The following PDE10A variants were observed in gnomAD, a reference collection of about 807,000 sequenced individuals.
The protein encoded by PDE10A is cAMP and cAMP-inhibited cGMP 3',5'-cyclic phosphodiesterase 10A.
A neutral mutation model predicts 97.7 loss-of-function variants in PDE10A; 39 were observed. The ratio of observed to expected loss-of-function variants is 0.40; its 90% CI spans 0.31 to 0.52. The LOEUF is 0.52. Ranked by LOEUF, PDE10A falls within the 20% of genes least tolerant of loss-of-function variation. The pLI, the probability that PDE10A is intolerant of heterozygous loss-of-function variation, is 0.56. For synonymous variants in PDE10A, 371 were observed against 376.8 expected (o/e 0.98, Z 0.18); for missense variants, 731 against 1,047.8 (o/e 0.70, Z 4.17).
rs1562634829 is a variant in PDE10A, at chr6:165,619,427, GTATA to G, written c.865+42516_865+42519del. 5.1e-5 allele frequency among the ~76,000 whole-genome samples: 5 copies of G among 98,186 alleles called. 1 individual carries two copies. Among genetic ancestry groups the G allele is most frequent in the South Asian group, 6.6e-4 (2 of 3,016 alleles). The allele number at this position is 98,186 out of a possible 152,430, so 64.4% of individuals were successfully genotyped here. A position where few individuals can be genotyped will look rare whatever the true frequency, so the allele number is the denominator to read the frequency against. On this transcript the variant is annotated intron_variant, in intron 1 of 21. Coordinates refer to ENST00000539869, the MANE Select transcript of PDE10A (RefSeq NM_001385079.1). ...GTGTAGTCTAGTGTAGTGTAGTGTAGTATAGTGTAGTGTAGTATAGTCTAGTGTA... is the reference window on the plus strand; with the variant it reads ...GTGTAGTCTAGTGTAGTGTAGTGTAGGTGTAGTGTAGTATAGTCTAGTGTA...
At chr6:165,758,197 T>C (rs1793161884) in intron 1 of PDE10A, among the ~76,000 whole-genome samples, 1 of 152,224 alleles carries the variant, frequency 6.6e-6, no homozygotes, top group Non-Finnish European at 1.5e-5. Flanking sequence ...CTGGGTGCAG[T>C]GGCTCATGCC....
chr6:165,380,619 C>G (rs938961994), intron 17 of PDE10A, among the ~76,000 whole-genome samples: 3 of 152,168 alleles, frequency 2.0e-5, no homozygotes, highest in African/African-American at 7.2e-5. Flanking sequence ...ACTTCACTTT[C>G]AAATTATAAA....
At chr6:165,601,167 T>C (rs1786925843) in intron 1 of PDE10A, among the ~76,000 whole-genome samples, 1 of 152,208 alleles carries the variant, frequency 6.6e-6, no homozygotes, top group Non-Finnish European at 1.5e-5. Context: ...CTTTTGCTTC[T>C]TCCTCATTTT....
chr6:165,392,617 A>C, intron 16 of PDE10A, 29 bp downstream of exon 16: 1 of 1,598,212 alleles, frequency 6.3e-7, no homozygotes, highest in Non-Finnish European at 8.6e-7. Flanking sequence ...TGAGGTTACG[A>C]GAAACAGAGG....
At chr6:165,969,107 T>A (rs755563713) in intron 1 of PDE10A, among the ~76,000 whole-genome samples, 1 of 152,208 alleles carries the variant, frequency 6.6e-6, no homozygotes, top group Non-Finnish European at 1.5e-5. Flanking sequence ...ATGAGAAAGA[T>A]ATGAGGTATA....
intron 1 of PDE10A, among the ~76,000 whole-genome samples, chr6:165,789,697 G>A (rs1778595890): frequency 6.6e-6 from 1 of 152,172 alleles, no homozygotes; most frequent in Non-Finnish European, 1.5e-5. Flanking sequence ...CAAACGCCGT[G>A]CGGTCACTAG....
chr6:165,862,691 T>G (rs1470584835), intron 1 of PDE10A, among the ~76,000 whole-genome samples: 2 of 86,748 alleles, frequency 2.3e-5, no homozygotes, highest in East Asian at 1.1e-3. Flanking sequence ...TTTTTTTTTT[T>G]TTTTTTGAGA....
intron 18 of PDE10A, among the ~76,000 whole-genome samples, chr6:165,377,139 G>A (rs1424749785): frequency 6.6e-6 from 1 of 152,136 alleles, no homozygotes; most frequent in Non-Finnish European, 1.5e-5. Context: ...ATACTTAGTA[G>A]AACACATGGT....
chr6:165,365,702 A>G (rs2128195984), intron 18 of PDE10A, among the ~76,000 whole-genome samples: 1 of 152,312 alleles, frequency 6.6e-6, no homozygotes, highest in Non-Finnish European at 1.5e-5. Context: ...CCTGGGGGAC[A>G]GAGAAAACCC....
intron 1 of PDE10A, among the ~76,000 whole-genome samples, chr6:165,560,801 C>A (rs536752698): frequency 2.6e-5 from 4 of 152,076 alleles, no homozygotes; most frequent in Admixed American, 2.0e-4. Context: ...TGAACTGTGG[C>A]CCCAGGTGTT....
intron 17 of PDE10A, among the ~76,000 whole-genome samples, chr6:165,383,348 A>G (rs1785052021): frequency 6.6e-6 from 1 of 152,218 alleles, no homozygotes; most frequent in Non-Finnish European, 1.5e-5. Flanking sequence ...TATTCCAGCA[A>G]TAATGATTCA....
intron 3 of PDE10A, among the ~76,000 whole-genome samples, chr6:165,452,331 A>G (rs1261199530): frequency 6.6e-6 from 1 of 152,266 alleles, no homozygotes; most frequent in Admixed American, 6.5e-5. Flanking sequence ...AGAAATATTC[A>G]GCATGGCTGC....
At chr6:165,954,319 A>T (rs1342524779) in intron 1 of PDE10A, among the ~76,000 whole-genome samples, 2 of 152,206 alleles carry the variant, frequency 1.3e-5, no homozygotes, top group Admixed American at 6.5e-5. Context: ...TGACGTACTG[A>T]TATTGCTAAG....
At chr6:165,587,823 C>G (rs1364575881) in intron 1 of PDE10A, among the ~76,000 whole-genome samples, 1 of 152,178 alleles carries the variant, frequency 6.6e-6, no homozygotes, top group Non-Finnish European at 1.5e-5. Context: ...CTGCAAACCA[C>G]AGAGGTTAAA....
At chr6:165,835,462 A>G (rs1395047512) in intron 1 of PDE10A, among the ~76,000 whole-genome samples, 1 of 152,176 alleles carries the variant, frequency 6.6e-6, no homozygotes, top group African/African-American at 2.4e-5. Flanking sequence ...GGCCAAGGCG[A>G]GGACAGCACT....
chr6:165,490,113 C>T (rs761930441), intron 2 of PDE10A, among the ~76,000 whole-genome samples: 3 of 152,140 alleles, frequency 2.0e-5, no homozygotes, highest in Non-Finnish European at 4.4e-5. Flanking sequence ...ACATTCATTG[C>T]AAAAAGATCA....
At chr6:165,887,956 T>A (rs1781673747) in intron 1 of PDE10A, among the ~76,000 whole-genome samples, 1 of 152,184 alleles carries the variant, frequency 6.6e-6, no homozygotes, top group Non-Finnish European at 1.5e-5. Flanking sequence ...TCTTTGCATC[T>A]CTTACCTCAC....
chr6:165,346,800 A>AATTTTATAATG (rs1782342543), intron 18 of PDE10A, among the ~76,000 whole-genome samples: 1 of 152,180 alleles, frequency 6.6e-6, no homozygotes. Context: ...CCCATTCTCT[A>AATTTTATAATG]ATTTTATAAT....
upstream of PDE10A, among the ~76,000 whole-genome samples, chr6:165,667,738 CATT>C (rs898633800): frequency 6.7e-6 from 1 of 150,200 alleles, no homozygotes; most frequent in African/African-American, 2.5e-5. Context: ...AAAAGAAAAA[CATT>C]AATTATCTCC....
Sources: gnomAD v4.1 joint callset for allele counts (sites outside exome capture counted in the v4.1 genomes callset) on GRCh38, gnomAD v4.1.1 for gene constraint, MANE v1.5 for transcripts, NCBI Gene and HGNC (gene_info 2026-07-23, HGNC 2026-07-21) for gene names.